The following MTA3 variants were observed in gnomAD, a reference collection of about 807,000 sequenced individuals.
MTA3 encodes metastasis-associated protein MTA3.
Under a neutral mutation model 83.5 loss-of-function variants are expected in MTA3, and 34 were observed. The ratio of observed to expected loss-of-function variants is 0.41; its 90% confidence interval spans 0.31 to 0.54. The LOEUF is 0.54. MTA3 is among the 20% of genes least tolerant of loss of function. The pLI, the probability that MTA3 is intolerant of heterozygous loss-of-function variation, is 0.33. For missense variants in MTA3, 761 were observed against 726.4 expected (o/e 1.05, Z -0.55); for synonymous variants, 303 against 252.7 (o/e 1.20, Z -1.89).
Position 42,755,224 on chromosome 2 carries a change from C to A in MTA3, c.*1825C>A. The A allele has an allele frequency of 2.0e-6, 2 of 985,432 alleles. No homozygotes were observed. Among genetic ancestry groups the A allele is most frequent in the Non-Finnish European group, 1.2e-6 (1 of 829,958 alleles). The allele number at this position is 985,432 out of a possible 1,614,324, so 61.0% of individuals were successfully genotyped here. On this transcript the variant is annotated 3_prime_UTR_variant, in exon 17 of 17. Coordinates refer to ENST00000405094, the MANE Select transcript of MTA3 (RefSeq NM_001330442.2). ...TCTGGATTTATTGTCGTACTTGGAC[C>A]CAGAAGGGGAAATGATTCCCTCACC...
chr2:42,506,957 C>T (rs1674660165), intron 2 of MTA3, among the ~76,000 whole-genome samples: 1 of 152,036 alleles, frequency 6.6e-6, no homozygotes, highest in Admixed American at 6.6e-5. Flanking sequence ...AACTGGAGTA[C>T]AGTGGTGCAA....
intron 14 of MTA3, chr2:42,712,702 C>T (rs1437256254): frequency 6.6e-5 from 10 of 152,108 alleles, no homozygotes; most frequent in Admixed American, 6.5e-4. Context: ...AGATTTGTGG[C>T]CCAACAGCAA....
chr2:42,571,436 GATTCTGA>G, intron 2 of MTA3, among the ~76,000 whole-genome samples: 1 of 147,716 alleles, frequency 6.8e-6, no homozygotes, highest in African/African-American at 2.5e-5. Flanking sequence ...AGTTATGCAC[GATTCTGA>G]ATTCCGAATA....
intron 14 of MTA3, among the ~76,000 whole-genome samples, chr2:42,717,963 A>AT (rs1428212901): frequency 6.6e-6 from 1 of 152,232 alleles, no homozygotes; most frequent in African/African-American, 2.4e-5. Context: ...TAATGTAGAA[A>AT]TGCCATGGCT....
intron 4 of MTA3, among the ~76,000 whole-genome samples, chr2:42,622,323 A>G (rs1169350978): frequency 1.3e-5 from 2 of 149,816 alleles, no homozygotes; most frequent in Admixed American, 6.7e-5. Context: ...GGAGAATCAG[A>G]CAGGGAGGTT....
At chr2:42,691,035 C>A (rs757362630) in intron 9 of MTA3, among the ~76,000 whole-genome samples, 2 of 152,046 alleles carry the variant, frequency 1.3e-5, no homozygotes, top group Non-Finnish European at 2.9e-5. Flanking sequence ...CACCACCATG[C>A]CCAGCTAATT....
In MTA3 at chr2:42,756,828, G is replaced by T. The variant is rs1670272440; in HGVS notation, c.*3429G>T. On this transcript the variant is annotated 3_prime_UTR_variant, in exon 17 of 17. Transcript: ENST00000405094. ...CCAGAGCACGCACCTGTGCTCATGA[G>T]TGTTTCCGCAGGATAATTCGTTCTG... is the stretch of plus-strand genomic sequence containing the variant. The T allele has an allele frequency of 1.0e-6, 1 of 985,332 alleles. No individual in the cohort carries two copies. The highest frequency in any genetic ancestry group is 1.7e-5 in the African/African-American group (1 of 57,220). The allele number at this position is 985,332 out of a possible 1,614,324, so 61.0% of individuals were successfully genotyped here.
At chr2:42,554,049 C>T (rs1017562809) in intron 2 of MTA3, among the ~76,000 whole-genome samples, 1 of 151,950 alleles carries the variant, frequency 6.6e-6, no homozygotes, top group African/African-American at 2.4e-5. Flanking sequence ...GCCTGACCAA[C>T]ATGGAGAAAC....
chr2:42,610,652 A>C (rs1684077112), intron 4 of MTA3, among the ~76,000 whole-genome samples: 1 of 152,212 alleles, frequency 6.6e-6, no homozygotes, highest in Non-Finnish European at 1.5e-5. Flanking sequence ...TAATCAGTGC[A>C]TCTTAGAGGT....
At chr2:42,671,676 T>A (rs1690805988) in intron 8 of MTA3, among the ~76,000 whole-genome samples, 1 of 152,216 alleles carries the variant, frequency 6.6e-6, no homozygotes, top group Non-Finnish European at 1.5e-5. Flanking sequence ...TGCCTTATAA[T>A]TTTTAATTTA....
chr2:42,526,473 G>T (rs1435210120), intron 2 of MTA3, among the ~76,000 whole-genome samples: 2 of 152,234 alleles, frequency 1.3e-5, no homozygotes, highest in East Asian at 3.9e-4. Flanking sequence ...AATGTCTATT[G>T]GCCCTACCAA....
chr2:42,682,550 A>G lies in MTA3; in HGVS notation c.852A>G (p.Glu284=). The G allele has an allele frequency of 1.9e-6, 3 of 1,612,638 alleles. 1 individual carries two copies. The change falls in exon 9 of 17, where the codon GAA becomes GAG. Residue 284 remains glutamate, a synonymous_variant. Coordinates refer to ENST00000405094, the MANE Select transcript of MTA3 (RefSeq NM_001330442.2). ...CTAGCTTATTTGAAGAGGCACTGGA[A>G]AAATATGGCAAAGACTTCAATGACA... ...SEASLFEEAL[E]KYGKDFNDIR...
chr2:42,755,551 C>G lies in MTA3; in HGVS notation c.*2152C>G. ...CTCGTGGTTCTGTAGTCCAGTCATC[C>G]TAGGAGGGTGATGTTGACTGAGACT... On this transcript the variant is annotated 3_prime_UTR_variant, in exon 17 of 17. Transcript: ENST00000405094. 1 of 985,176 alleles carries G rather than the reference C, an allele frequency of 1.0e-6. No individual in the cohort carries two copies. Among genetic ancestry groups the G allele is most frequent in the South Asian group, 4.7e-5 (1 of 21,292 alleles). The allele number at this position is 985,176 out of a possible 1,614,324, so 61.0% of individuals were successfully genotyped here.
intron 2 of MTA3, among the ~76,000 whole-genome samples, chr2:42,501,295 C>T (rs188384383): frequency 2.0e-5 from 3 of 152,232 alleles, no homozygotes; most frequent in Non-Finnish European, 2.9e-5. Context: ...TATCTCTAGG[C>T]TGATAAGAGG....
At chr2:42,703,300 A>G (rs1665756768) in intron 11 of MTA3, 1 of 152,198 alleles carries the variant, frequency 6.6e-6, no homozygotes, top group Non-Finnish European at 1.5e-5. Context: ...AATGCTATGT[A>G]ATATTTCTGA....
chr2:42,722,244 C>T (rs932275738), intron 15 of MTA3, among the ~76,000 whole-genome samples: 11 of 152,196 alleles, frequency 7.2e-5, no homozygotes, highest in African/African-American at 2.4e-4. Flanking sequence ...GGCTGTATGG[C>T]TAACAACAAT....
chr2:42,707,214 A>G (rs1666175512), intron 12 of MTA3, among the ~76,000 whole-genome samples: 1 of 151,378 alleles, frequency 6.6e-6, no homozygotes, highest in Non-Finnish European at 1.5e-5. Context: ...GTGGTGTCTG[A>G]ACCCTGGGTT....
chr2:42,753,641 C>G lies in MTA3; in HGVS notation c.*242C>G. Reference sequence around the variant, plus strand: ...TGTCAGAGACCTCGCTGTTACGGAGCGAGACCTGCTGAGAATTGAGGGGCT... The same window carrying G: ...TGTCAGAGACCTCGCTGTTACGGAGGGAGACCTGCTGAGAATTGAGGGGCT... On this transcript the variant is annotated 3_prime_UTR_variant, in exon 17 of 17. Transcript: ENST00000405094. 2 of 1,329,554 alleles carry G rather than the reference C, an allele frequency of 1.5e-6. No individual in the cohort carries two copies. Among genetic ancestry groups the G allele is most frequent in the Non-Finnish European group, 1.9e-6 (2 of 1,035,682 alleles). 82.4% of individuals were successfully genotyped at this position (1,329,554 alleles called of 1,614,324 possible).
At chr2:42,520,345 C>T (rs1287367127) in intron 2 of MTA3, among the ~76,000 whole-genome samples, 4 of 152,112 alleles carry the variant, frequency 2.6e-5, no homozygotes, top group Non-Finnish European at 5.9e-5. Flanking sequence ...CAACTTGTCC[C>T]AGAGCAAACC....
Sources: allele counts gnomAD v4.1 joint callset (sites outside exome capture counted in the v4.1 genomes callset), GRCh38; gene constraint gnomAD v4.1.1; transcripts MANE v1.5; gene names NCBI Gene and HGNC (gene_info 2026-07-23, HGNC 2026-07-21).